DUS2: variants seen among roughly 807,000 people sequenced by gnomAD.
DUS2 encodes dihydrouridine synthase 2.
DUS2 carries 52 observed loss-of-function variants against 71.3 expected under a neutral mutation model. The ratio of observed to expected loss-of-function variants is 0.73; its 90% CI spans 0.58 to 0.92. The LOEUF is 0.92. Among genes scored for constraint, DUS2 ranks in the 40% least tolerant of loss-of-function variants. DUS2 has a pLI of 0.00. For missense variants in DUS2, 558 were observed against 622.6 expected (o/e 0.90, Z 1.10); for synonymous variants, 204 against 227.8 (o/e 0.90, Z 0.94).
chr16:68,051,627 G>T (rs755984122), intron 4 of DUS2, among the ~76,000 whole-genome samples: 1 of 151,982 alleles, frequency 6.6e-6, no homozygotes, highest in Non-Finnish European at 1.5e-5. Flanking sequence ...CTGGCCTCAA[G>T]TGATCCCCCT....
intron 3 of DUS2, among the ~76,000 whole-genome samples, chr16:68,045,530 G>C (rs1256922306): frequency 6.6e-6 from 1 of 151,024 alleles, no homozygotes; most frequent in African/African-American, 2.4e-5. Flanking sequence ...AGAATCGCTC[G>C]AACCCAGGAG....
chr16:68,076,757 C>T (rs751246763), intron 15 of DUS2, 38 bp downstream of exon 15: 103 of 1,554,020 alleles, frequency 6.6e-5, no homozygotes, highest in Non-Finnish European at 8.4e-5. Context: ...CAGCCAGTCA[C>T]AGCACTCCCA....
chr16:68,043,745 A>C (rs952837847), intron 3 of DUS2, among the ~76,000 whole-genome samples: 11 of 152,008 alleles, frequency 7.2e-5, no homozygotes, highest in African/African-American at 2.2e-4. Context: ...GCTCACTGCA[A>C]CCTCCACCTC....
intron 12 of DUS2, 95 bp downstream of exon 12, chr16:68,071,203 C>T (rs1262332944): frequency 1.5e-6 from 2 of 1,339,654 alleles, no homozygotes; most frequent in African/African-American, 2.9e-5. Context: ...GCCAGCTGTG[C>T]TTGCTGTTCC....
chr16:68,076,113 A>C (rs1398847841), intron 14 of DUS2, among the ~76,000 whole-genome samples: 1 of 152,102 alleles, frequency 6.6e-6, no homozygotes, highest in East Asian at 1.9e-4. Context: ...GGGAAGTTGG[A>C]ATATGACCCC....
intron 6 of DUS2, 140 bp downstream of exon 6, chr16:68,054,757 G>A (rs2033827719): frequency 1.9e-6 from 2 of 1,062,068 alleles, no homozygotes; most frequent in Middle Eastern, 2.0e-4. Flanking sequence ...AGAGTGCCTG[G>A]TTTCCAGCCA....
chr16:68,060,062 C>T (rs8054480), intron 7 of DUS2, among the ~76,000 whole-genome samples: 6,960 of 152,174 alleles, frequency 0.046, 523 homozygotes, highest in African/African-American at 0.16. Flanking sequence ...AAGTTGTGTG[C>T]ACCTTAGTAG....
chr16:68,070,991 A>T lies in DUS2; in HGVS notation c.693A>T (p.Arg231=). 6.2e-7 allele frequency: 1 copy of T among 1,614,190 alleles called. No homozygotes were observed. Among genetic ancestry groups the T allele is most frequent in the Non-Finnish European group, 8.5e-7 (1 of 1,180,030 alleles). Residue 231 remains arginine (R), a synonymous_variant, in exon 12 of 17, where the codon CGA becomes CGT. Coordinates refer to ENST00000565263, the MANE Select transcript of DUS2 (RefSeq NM_017803.5). ...AGTATTCGGACATAGAGGACTTTCG[A>T]CAAGCCACGGCAGCCTCTTCCGTGA... ...IQQYSDIEDF[R]QATAASSVMV...
At chr16:68,023,476 C>A (rs2033291793) in intron 1 of DUS2, 125 bp downstream of exon 1, 1 of 482,722 alleles carries the variant, frequency 2.1e-6, no homozygotes, top group Non-Finnish European at 3.8e-6. Flanking sequence ...CCCAATGGAC[C>A]ATGAGGGCGG....
At position 68,079,114 on chromosome 16, in the gene DUS2, GGGGCCATCAGCCTAGAGCATGGACCA is replaced by G; in HGVS notation, c.*132_*157del. 4.4e-6 allele frequency: 4 copies of G among 904,064 alleles called. No individual in the cohort carries two copies. The highest frequency in any genetic ancestry group is 6.5e-6 in the Non-Finnish European group (4 of 616,596). 56.0% of individuals were successfully genotyped at this position (904,064 alleles called of 1,614,324 possible). On this transcript the variant is annotated 3_prime_UTR_variant, in exon 17 of 17. Transcript: ENST00000565263. ...CTGGCAGAAGTTAGATGTCCTGGCA[GGGGCCATCAGCCTAGAGCATGGACCA>G]GGGGCCGCCCAGGGGTGGATCCTGG...
chr16:68,074,514 C>T (rs886674763), intron 13 of DUS2, among the ~76,000 whole-genome samples: 4 of 152,222 alleles, frequency 2.6e-5, no homozygotes, highest in Non-Finnish European at 5.9e-5. Context: ...TCACATCCAT[C>T]ACCCTGCAGT....
intron 10 of DUS2, among the ~76,000 whole-genome samples, chr16:68,068,333 G>A (rs2034037740): frequency 6.6e-6 from 1 of 152,142 alleles, no homozygotes; most frequent in Admixed American, 6.5e-5. Context: ...CAGGAGGGAG[G>A]AGTACACACT....
At chr16:68,056,127 A>G (rs2033848156) in intron 6 of DUS2, among the ~76,000 whole-genome samples, 1 of 152,100 alleles carries the variant, frequency 6.6e-6, no homozygotes, top group South Asian at 2.1e-4. Flanking sequence ...CTAGCCCTTT[A>G]TAGATGTGTG....
rs75445468 is a variant in DUS2 at position 68,037,991 on chromosome 16, C to T, written c.-18-15C>T. ...CATTTGAATTTCTGACTCTTGTTTC[C>T]TCTTTTTTTTTCAGGCTGTAACAGA... is the stretch of plus-strand genomic sequence containing the variant. On this transcript the variant is annotated splice_polypyrimidine_tract_variant and intron_variant, in intron 2 of 16. Coordinates refer to ENST00000565263, the MANE Select transcript of DUS2 (RefSeq NM_017803.5). 8.1e-4 allele frequency: 1,303 copies of T among 1,600,152 alleles called. 17 individuals are homozygous for T. The South Asian group carries it at 8.9e-3, about 11-fold the overall frequency.
At chr16:68,070,304 G>T (rs2034066222) in intron 11 of DUS2, 84 bp downstream of exon 11, 1 of 1,387,184 alleles carries the variant, frequency 7.2e-7, no homozygotes, top group Non-Finnish European at 1.0e-6. Flanking sequence ...TCCCTAGAGT[G>T]AAAAGTTTTA....
intron 3 of DUS2, among the ~76,000 whole-genome samples, chr16:68,044,600 T>G (rs2033675518): frequency 6.6e-6 from 1 of 151,976 alleles, no homozygotes; most frequent in Non-Finnish European, 1.5e-5. Context: ...TTTCACCATG[T>G]TGCCCAGGCT....
chr16:68,061,028 C>T (rs776708464), intron 7 of DUS2, 38 bp from the exon 8 acceptor site: 8 of 1,608,172 alleles, frequency 5.0e-6, no homozygotes, highest in Non-Finnish European at 6.8e-6. Context: ...CATAGTGTCT[C>T]CCAGATGTAA....
rs547809178 is a variant in DUS2, at chr16:68,023,297, G to A, written c.-153G>A. 7.2e-7 allele frequency: 1 copy of A among 1,383,548 alleles called. No individual in the cohort carries two copies. The highest frequency in any genetic ancestry group is 9.7e-7 in the Non-Finnish European group (1 of 1,025,652). The allele number at this position is 1,383,548 out of a possible 1,614,324, so 85.7% of individuals were successfully genotyped here. The stretch of plus-strand genomic sequence containing the variant: ...CTGGCGAGGCTCAGTACGGTGTGTG[G>A]AGCTGGAGCACCGTGAGGAAGAAGC... On this transcript the variant is annotated 5_prime_UTR_variant, in exon 1 of 17. Transcript: ENST00000565263.
At chr16:68,039,348 G>A (rs1235055184) in intron 3 of DUS2, among the ~76,000 whole-genome samples, 1 of 152,016 alleles carries the variant, frequency 6.6e-6, no homozygotes, top group Admixed American at 6.6e-5. Context: ...TGCCTGTGGG[G>A]GGCTAGGCAG....
Sources: gnomAD v4.1 joint callset for allele counts (sites outside exome capture counted in the v4.1 genomes callset) on GRCh38, gnomAD v4.1.1 for gene constraint, MANE v1.5 for transcripts, NCBI Gene and HGNC (gene_info 2026-07-23, HGNC 2026-07-21) for gene names.